The following ARHGAP21 variants were observed in gnomAD, a reference collection of about 807,000 sequenced individuals.
ARHGAP21 encodes rho GTPase-activating protein 21.
A neutral mutation model predicts 164.6 loss-of-function variants in ARHGAP21; 38 were observed. The observed-to-expected ratio is 0.23, with a 90% CI of 0.18 to 0.30. ARHGAP21 has a LOEUF of 0.30. Ranked by LOEUF, ARHGAP21 falls within the 10% of genes least tolerant of loss-of-function variation. ARHGAP21 has a pLI of 1.00. For missense variants in ARHGAP21, 1,822 were observed against 2,370.7 expected (o/e 0.77, Z 4.81); for synonymous variants, 766 against 857.9 (o/e 0.89, Z 1.87).
intron 2 of ARHGAP21, among the ~76,000 whole-genome samples, chr10:24,695,094 A>C (rs1456144636): frequency 1.0e-4 from 14 of 139,032 alleles, no homozygotes; most frequent in African/African-American, 3.1e-4. Flanking sequence ...AAAAAAAAAA[A>C]AACGAAAAGA....
chr10:24,628,818 TATAC>T (rs1439837219), intron 7 of ARHGAP21, among the ~76,000 whole-genome samples: 2 of 140,958 alleles, frequency 1.4e-5, no homozygotes, highest in South Asian at 2.2e-4. Flanking sequence ...TATATATACA[TATAC>T]ACACATATAT....
At chr10:24,591,809 C>A in intron 22 of ARHGAP21, 78 bp downstream of exon 22, 1 of 1,592,136 alleles carries the variant, frequency 6.3e-7, no homozygotes, top group South Asian at 1.1e-5. Context: ...TCTGTCTGAC[C>A]AAATAGCGGC....
At chr10:24,605,061 C>T (rs1453373233) in intron 11 of ARHGAP21, among the ~76,000 whole-genome samples, 15 of 152,112 alleles carry the variant, frequency 9.9e-5, no homozygotes, top group Non-Finnish European at 1.5e-5. Flanking sequence ...TCAGAAACCT[C>T]CCCCTCAAAC....
chr10:24,661,616 G>C (rs914235898), intron 4 of ARHGAP21, among the ~76,000 whole-genome samples: 18 of 152,270 alleles, frequency 1.2e-4, no homozygotes, highest in African/African-American at 4.1e-4. Context: ...TCTAGGCTTT[G>C]ACTCTGATCA....
chr10:24,656,250 C>T (rs1323913829), intron 4 of ARHGAP21, among the ~76,000 whole-genome samples: 9 of 119,180 alleles, frequency 7.6e-5, no homozygotes, highest in Admixed American at 2.4e-4. Context: ...CCGCCCCGTC[C>T]GGGAGGTGAG....
In ARHGAP21 at chr10:24,624,337, C is replaced by CTTTTT. The variant is rs565872094; in HGVS notation, c.496-1580_496-1576dup. On this transcript the variant is annotated intron_variant, in intron 7 of 25. Coordinates refer to ENST00000396432, the MANE Select transcript of ARHGAP21 (RefSeq NM_020824.4). The stretch of plus-strand genomic sequence containing the variant: ...CTGCCTGGGAAATGCTGTTCTAGAA[C>CTTTTT]TTTTTTTTTTTTTTTTTTTTGAGAC... Among the ~76,000 whole-genome samples the CTTTTT allele has an allele frequency of 2.4e-4, 25 of 102,874 alleles. 8 individuals carry two copies. The highest frequency in any genetic ancestry group is 3.1e-4 in the Non-Finnish European group (17 of 54,756). 67.5% of individuals were successfully genotyped at this position (102,874 alleles called of 152,430 possible). A position where few individuals can be genotyped will look rare whatever the true frequency, so the allele number is the denominator to read the frequency against.
At chr10:24,683,002 A>G (rs1002232903) in intron 2 of ARHGAP21, among the ~76,000 whole-genome samples, 1 of 151,376 alleles carries the variant, frequency 6.6e-6, no homozygotes, top group African/African-American at 2.4e-5. Context: ...AGGCTGAGAC[A>G]GGAGAATGGC....
At position 24,692,810 on chromosome 10, in the gene ARHGAP21, C is replaced by A. The variant is rs1258918450; in HGVS notation, c.64-22413G>T. Reference sequence around the variant, plus strand: ...TTGTGCCACTGCACTCCAGCCCAGGCAGCAAGAAACTCTGTCTCAAAAAAT... The same window carrying A: ...TTGTGCCACTGCACTCCAGCCCAGGAAGCAAGAAACTCTGTCTCAAAAAAT... On this transcript the variant is annotated intron_variant, in intron 2 of 25. Transcript: ENST00000396432. Among the ~76,000 whole-genome samples, 5 of 148,900 alleles carry A rather than the reference C, an allele frequency of 3.4e-5. No individual in the cohort carries two copies. The East Asian group carries it at 5.9e-4, about 17-fold the overall frequency.
At chr10:24,683,898 G>A (rs999941904) in intron 2 of ARHGAP21, among the ~76,000 whole-genome samples, 1 of 152,022 alleles carries the variant, frequency 6.6e-6, no homozygotes, top group African/African-American at 2.4e-5. Context: ...AAACAGTTAT[G>A]GCTTCAGTTT....
At chr10:24,594,296 T>G (rs1466647996) in intron 21 of ARHGAP21, among the ~76,000 whole-genome samples, 1 of 152,192 alleles carries the variant, frequency 6.6e-6, no homozygotes, top group East Asian at 1.9e-4. Flanking sequence ...TGTGTAGACC[T>G]TGTTTGGATA....
intron 2 of ARHGAP21, among the ~76,000 whole-genome samples, chr10:24,671,067 CT>C (rs1349498240): frequency 6.6e-6 from 1 of 152,046 alleles, no homozygotes. Flanking sequence ...CCTTACAATT[CT>C]TCAATCTGGA....
At chr10:24,672,986 A>AT (rs1840861099) in intron 2 of ARHGAP21, among the ~76,000 whole-genome samples, 1 of 152,230 alleles carries the variant, frequency 6.6e-6, no homozygotes, top group Non-Finnish European at 1.5e-5. Flanking sequence ...ATATTTAGGG[A>AT]TAAATCTGAC....
rs1415865217 is a variant in ARHGAP21 at position 24,583,745 on chromosome 10, A to ACTAT, written c.*663_*666dup. ...AAGAAGCCAGTTCCATCCAGGATCC[A>ACTAT]CTATCTACACACCTATGTTACAACA... On this transcript the variant is annotated 3_prime_UTR_variant, in exon 26 of 26. Transcript: ENST00000396432. 1 of 152,366 alleles carries ACTAT rather than the reference A, an allele frequency of 6.6e-6. No individual in the cohort carries two copies. The highest frequency in any genetic ancestry group is 1.5e-5 in the Non-Finnish European group (1 of 67,972). The allele number at this position is 152,366 out of a possible 1,614,324, so 9.4% of individuals were successfully genotyped here. A position where few individuals can be genotyped will look rare whatever the true frequency, so the allele number is the denominator to read the frequency against.
At chr10:24,591,568 G>A in intron 23 of ARHGAP21, 74 bp downstream of exon 23, 1 of 1,554,714 alleles carries the variant, frequency 6.4e-7, no homozygotes, top group Non-Finnish European at 8.9e-7. Flanking sequence ...GCAGGAAGTT[G>A]ACATTGTTGG....
chr10:24,677,836 G>A (rs545102475), intron 2 of ARHGAP21, among the ~76,000 whole-genome samples: 3 of 152,252 alleles, frequency 2.0e-5, no homozygotes, highest in African/African-American at 7.2e-5. Flanking sequence ...TATTTATTGA[G>A]GACCTACTGT....
At chr10:24,630,267 T>C (rs1417813152) in intron 6 of ARHGAP21, among the ~76,000 whole-genome samples, 1 of 152,226 alleles carries the variant, frequency 6.6e-6, no homozygotes, top group African/African-American at 2.4e-5. Flanking sequence ...ACCCCTGCCA[T>C]GTTTGTGCTA....
chr10:24,643,303 T>C (rs58435845), intron 4 of ARHGAP21, among the ~76,000 whole-genome samples: 4,564 of 152,338 alleles, frequency 0.03, 205 homozygotes, highest in African/African-American at 0.097. Context: ...AGTATTATCA[T>C]ATCTAGATTC....
At position 24,697,114 on chromosome 10, in the gene ARHGAP21, C is replaced by T. The variant is rs902134506; in HGVS notation, c.63+24723G>A. ...CTAGAGATGGGTAACAAAACATGTT[C>T]CTAGGGGTGGCCCTTCCCTGGCTCT... On this transcript the variant is annotated intron_variant, in intron 2 of 25. Coordinates refer to ENST00000396432, the MANE Select transcript of ARHGAP21 (RefSeq NM_020824.4). 2.2e-4 allele frequency among the ~76,000 whole-genome samples: 33 copies of T among 152,172 alleles called. 1 individual carries two copies. Among genetic ancestry groups the T allele is most frequent in the Middle Eastern group, 3.4e-3 (1 of 294 alleles).
chr10:24,632,932 A>G (rs1835981801), intron 6 of ARHGAP21, among the ~76,000 whole-genome samples: 1 of 152,172 alleles, frequency 6.6e-6, no homozygotes, highest in Non-Finnish European at 1.5e-5. Context: ...AAATCCTACT[A>G]TTCTGTAAAA....
Sources: allele counts gnomAD v4.1 joint callset (sites outside exome capture counted in the v4.1 genomes callset), GRCh38; gene constraint gnomAD v4.1.1; transcripts MANE v1.5; gene names NCBI Gene and HGNC (gene_info 2026-07-23, HGNC 2026-07-21).